The following CADM2 variants were observed in gnomAD, a reference collection of about 807,000 sequenced individuals.
The protein encoded by CADM2 is immunoglobulin superfamily member 4D.
CADM2 carries 12 observed loss-of-function variants against 49.8 expected under a neutral mutation model. That is an observed-to-expected ratio of 0.24 (90% confidence interval 0.15 to 0.39). The LOEUF is 0.39. Among genes scored for constraint, CADM2 ranks in the 10% least tolerant of loss-of-function variants. The probability of loss-of-function intolerance (pLI) is 1.00; values close to 1 mark genes in which losing one functional copy is unlikely to be tolerated. For synonymous variants in CADM2, 214 were observed against 175.4 expected, an observed-to-expected ratio of 1.22 and a Z score of -1.74; for missense variants, 378 against 492.3, an observed-to-expected ratio of 0.77 and a Z score of 2.20.
chr3:85,280,071 T>C (rs1003024727), intron 1 of CADM2, among the ~76,000 whole-genome samples: 1 of 151,710 alleles, frequency 6.6e-6, no homozygotes, highest in Non-Finnish European at 1.5e-5. Context: ...TTTTGTTGCC[T>C]ATTCTTTGGT....
At chr3:85,741,530 T>C (rs2107827315) in intron 2 of CADM2, among the ~76,000 whole-genome samples, 1 of 150,474 alleles carries the variant, frequency 6.6e-6, no homozygotes, top group South Asian at 2.1e-4. Context: ...TAGCTGGGCA[T>C]GGTGGTGCAT....
intron 1 of CADM2, among the ~76,000 whole-genome samples, chr3:85,704,041 C>T (rs1344688571): frequency 1.3e-5 from 2 of 152,242 alleles, no homozygotes; most frequent in Middle Eastern, 3.4e-3. Context: ...TTTTATAAAG[C>T]TCAAGTCCCA....
rs535116579 is a variant in CADM2 at position 85,176,831 on chromosome 3, T to C, written c.61+217163T>C. ...CAGGATTTGAGTTTCTGAGACCAAATGAGTATGAAGTGATGAAATGCCAGC... is the reference window on the plus strand; with the variant it reads ...CAGGATTTGAGTTTCTGAGACCAAACGAGTATGAAGTGATGAAATGCCAGC... On this transcript the variant is annotated intron_variant, in intron 1 of 9. Coordinates refer to ENST00000383699, the MANE Select transcript of CADM2 (RefSeq NM_001167675.2). Among the ~76,000 whole-genome samples the C allele has an allele frequency of 3.9e-5, 6 of 152,274 alleles. 1 individual carries two copies. The South Asian group carries it at 1.2e-3, about 32-fold the overall frequency.
At chr3:85,700,932 A>T (rs901704544) in intron 1 of CADM2, among the ~76,000 whole-genome samples, 13 of 152,174 alleles carry the variant, frequency 8.5e-5, no homozygotes, top group Non-Finnish European at 1.9e-4. Flanking sequence ...TCTTTAGAGC[A>T]ATTACCCACT....
chr3:85,217,396 G>T (rs1349462768), intron 1 of CADM2, among the ~76,000 whole-genome samples: 3 of 151,894 alleles, frequency 2.0e-5, no homozygotes, highest in African/African-American at 7.2e-5. Context: ...AGAGACAAAA[G>T]ATATGAGCAC....
intron 1 of CADM2, among the ~76,000 whole-genome samples, chr3:85,021,400 G>A (rs1005102530): frequency 1.3e-5 from 2 of 152,168 alleles, no homozygotes; most frequent in South Asian, 2.1e-4. Context: ...TTTATGAAAG[G>A]AACAGGCATT....
At chr3:85,106,119 T>A (rs1257509692) in intron 1 of CADM2, among the ~76,000 whole-genome samples, 1 of 151,646 alleles carries the variant, frequency 6.6e-6, no homozygotes, top group African/African-American at 2.4e-5. Context: ...TAAAATAAAA[T>A]AAAGAAAGCT....
chr3:85,348,579 T>A (rs181557542), intron 1 of CADM2, among the ~76,000 whole-genome samples: 1 of 152,270 alleles, frequency 6.6e-6, no homozygotes, highest in Non-Finnish European at 1.5e-5. Context: ...AGAAAAACAA[T>A]GGCATAACAA....
intron 1 of CADM2, among the ~76,000 whole-genome samples, chr3:85,682,204 C>T (rs2066058688): frequency 6.6e-6 from 1 of 151,972 alleles, no homozygotes; most frequent in Non-Finnish European, 1.5e-5. Flanking sequence ...CTACAAAGCC[C>T]AGAATAATAA....
chr3:84,980,111 A>T (rs1241105751), intron 1 of CADM2, among the ~76,000 whole-genome samples: 1 of 152,182 alleles, frequency 6.6e-6, no homozygotes, highest in Non-Finnish European at 1.5e-5. Context: ...AATTCCCCTC[A>T]TTATGGAGCA....
intron 1 of CADM2, among the ~76,000 whole-genome samples, chr3:85,544,988 C>A (rs1257762018): frequency 2.6e-5 from 4 of 152,112 alleles, no homozygotes; most frequent in Admixed American, 2.6e-4. Context: ...CCAACTCCCA[C>A]CCAGACCTGC....
chr3:85,680,730 A>G (rs892227790), intron 1 of CADM2, among the ~76,000 whole-genome samples: 5 of 152,122 alleles, frequency 3.3e-5, no homozygotes, highest in African/African-American at 1.2e-4. Context: ...TCTAATTAGC[A>G]CTTTGTTCTT....
Position 85,785,915 on chromosome 3 carries a change from A to C in CADM2, c.89-16132A>C, listed in dbSNP as rs183010895. ...TAGCCTAGTACATAGCAACTTCCTC[A>C]GTTCTCATTTATTTTGGATCCAGTA... On this transcript the variant is annotated intron_variant, in intron 2 of 9. Transcript: ENST00000383699. 8.9e-4 allele frequency among the ~76,000 whole-genome samples: 135 copies of C among 152,186 alleles called. 1 individual carries two copies. Among genetic ancestry groups the C allele is most frequent in the African/African-American group, 3.1e-3 (128 of 41,552 alleles).
chr3:86,049,594 G>A (rs765116402), intron 8 of CADM2, among the ~76,000 whole-genome samples: 46 of 152,048 alleles, frequency 3.0e-4, no homozygotes, highest in Non-Finnish European at 6.3e-4. Flanking sequence ...AAGAGGTTTA[G>A]TTGGCTCACA....
At chr3:85,222,179 G>T (rs560604563) in intron 1 of CADM2, among the ~76,000 whole-genome samples, 1 of 152,144 alleles carries the variant, frequency 6.6e-6, no homozygotes, top group African/African-American at 2.4e-5. Context: ...TGTGACCAGC[G>T]TGAGAATACG....
At chr3:85,845,449 G>A (rs1444533876) in intron 3 of CADM2, among the ~76,000 whole-genome samples, 1 of 152,110 alleles carries the variant, frequency 6.6e-6, no homozygotes, top group Non-Finnish European at 1.5e-5. Flanking sequence ...TCACTTACCA[G>A]ATGTTTCTTT....
chr3:85,502,034 A>G (rs1020177958), intron 1 of CADM2, among the ~76,000 whole-genome samples: 16 of 152,160 alleles, frequency 1.1e-4, no homozygotes, highest in Non-Finnish European at 2.1e-4. Context: ...AAGTATTACA[A>G]AAGAATGAGA....
At chr3:86,030,580 AT>A (rs1400556929) in intron 8 of CADM2, among the ~76,000 whole-genome samples, 1 of 151,962 alleles carries the variant, frequency 6.6e-6, no homozygotes, top group Admixed American at 6.6e-5. Context: ...TGATTTTCAG[AT>A]TTGCCCACAC....
At chr3:85,220,216 G>A (rs1010036748) in intron 1 of CADM2, among the ~76,000 whole-genome samples, 2 of 151,946 alleles carry the variant, frequency 1.3e-5, no homozygotes, top group Admixed American at 6.6e-5. Flanking sequence ...TGAGCCTCAG[G>A]CAATCTCTAG....
Sources: gnomAD v4.1 joint callset for allele counts (sites outside exome capture counted in the v4.1 genomes callset) on GRCh38, gnomAD v4.1.1 for gene constraint, MANE v1.5 for transcripts, NCBI Gene and HGNC (gene_info 2026-07-23, HGNC 2026-07-21) for gene names.